STK10: variants seen among roughly 807,000 people sequenced by gnomAD.
STK10 encodes the protein serine/threonine-protein kinase 10.
In STK10, 78 loss-of-function variants were observed where a neutral mutation model predicts 113.8. The ratio of observed to expected loss-of-function variants is 0.69; its 90% confidence interval spans 0.57 to 0.83. The LOEUF (loss-of-function observed/expected upper bound fraction) is 0.83, where lower values mean the gene tolerates loss of function less well. Among genes scored for constraint, STK10 ranks in the 40% least tolerant of loss-of-function variants. The probability of loss-of-function intolerance (pLI) is 0.00; values close to 1 mark genes in which losing one functional copy is unlikely to be tolerated. For synonymous variants in STK10, 465 were observed against 494.7 expected, an observed-to-expected ratio of 0.94 and a Z score of 0.80; for missense variants, 1,109 against 1,280.1, an observed-to-expected ratio of 0.87 and a Z score of 2.04.
intron 2 of STK10, among the ~76,000 whole-genome samples, chr5:172,144,582 C>T (rs1004112363): frequency 2.0e-5 from 3 of 151,952 alleles, no homozygotes; most frequent in Non-Finnish European, 2.9e-5. Flanking sequence ...CTGCCATTTA[C>T]TAGGCAGCCT....
chr5:172,089,020 C>T (rs550307081), intron 10 of STK10, among the ~76,000 whole-genome samples: 1 of 152,238 alleles, frequency 6.6e-6, no homozygotes, highest in African/African-American at 2.4e-5. Context: ...GTTTTTCCCT[C>T]TTCCCGGCCA....
At chr5:172,086,316 T>C (rs1177455635) in intron 10 of STK10, among the ~76,000 whole-genome samples, 1 of 152,108 alleles carries the variant, frequency 6.6e-6, no homozygotes. Flanking sequence ...CCTCTGCTTT[T>C]CTGGAAAGTG....
At chr5:172,152,798 G>T (rs987317724) in intron 2 of STK10, among the ~76,000 whole-genome samples, 1 of 152,152 alleles carries the variant, frequency 6.6e-6, no homozygotes, top group Non-Finnish European at 1.5e-5. Context: ...AAATTTAGAT[G>T]TGTTAAAAGT....
chr5:172,151,729 G>C (rs1490198064), intron 2 of STK10, among the ~76,000 whole-genome samples: 3 of 152,190 alleles, frequency 2.0e-5, no homozygotes, highest in Non-Finnish European at 2.9e-5. Flanking sequence ...TAGACTGGAG[G>C]CTCCATGAGG....
chr5:172,159,857 G>T (rs1012451334), intron 1 of STK10, among the ~76,000 whole-genome samples: 5 of 151,796 alleles, frequency 3.3e-5, no homozygotes, highest in Admixed American at 2.0e-4. Flanking sequence ...AAAGAAAAAG[G>T]CCGGGCGCAG....
At chr5:172,158,453 C>G (rs973148267) in intron 1 of STK10, among the ~76,000 whole-genome samples, 1 of 152,070 alleles carries the variant, frequency 6.6e-6, no homozygotes, top group Admixed American at 6.6e-5. Flanking sequence ...CATGGTGAAA[C>G]CCCATCTCAC....
chr5:172,101,463 C>T (rs921649966), intron 7 of STK10, among the ~76,000 whole-genome samples: 1 of 146,910 alleles, frequency 6.8e-6, no homozygotes, highest in African/African-American at 2.7e-5. Flanking sequence ...GAGCGAGACT[C>T]CGTCTCCAAA....
At position 172,087,623 on chromosome 5, in the gene STK10, A is replaced by ATTTATTTAT. The variant is rs1462186039; in HGVS notation, c.1685+2608_1685+2609insATAAATAAA. ...ATTTTTTAAATTTATTTACTTATTT[A>ATTTATTTAT]TTTTTTTTTTTTTTTTGAGACGGAG... On this transcript the variant is annotated intron_variant, in intron 10 of 18. Transcript: ENST00000176763. Among the ~76,000 whole-genome samples the ATTTATTTAT allele has an allele frequency of 1.8e-4, 15 of 85,188 alleles. 3 individuals are homozygous for ATTTATTTAT. The highest frequency in any genetic ancestry group is 8.1e-4 in the African/African-American group (14 of 17,196). The allele number at this position is 85,188 out of a possible 152,430, so 55.9% of individuals were successfully genotyped here. A position where few individuals can be genotyped will look rare whatever the true frequency, so the allele number is the denominator to read the frequency against.
intron 3 of STK10, among the ~76,000 whole-genome samples, chr5:172,119,484 G>A (rs1769457240): frequency 1.3e-5 from 2 of 152,136 alleles, no homozygotes; most frequent in Admixed American, 1.3e-4. Context: ...AGGATGCAAA[G>A]GTTGGAGAAT....
intron 1 of STK10, among the ~76,000 whole-genome samples, chr5:172,164,347 T>C (rs1770527068): frequency 2.0e-5 from 3 of 152,114 alleles, no homozygotes; most frequent in Non-Finnish European, 4.4e-5. Flanking sequence ...AAAGCCATCC[T>C]GCCCCTAAGG....
At chr5:172,054,487 A>G in intron 17 of STK10, 82 bp downstream of exon 17, 6 of 1,553,234 alleles carry the variant, frequency 3.9e-6, no homozygotes, top group Non-Finnish European at 5.2e-6. Context: ...CCTGCTGTGG[A>G]GTTTCTGGCC....
intron 1 of STK10, among the ~76,000 whole-genome samples, chr5:172,162,678 G>A (rs892086023): frequency 2.0e-5 from 3 of 152,194 alleles, no homozygotes; most frequent in Admixed American, 6.5e-5. Flanking sequence ...GGAGTGGCTA[G>A]AGCCAGGGCC....
intron 3 of STK10, among the ~76,000 whole-genome samples, chr5:172,119,619 T>C (rs1192917893): frequency 2.0e-5 from 3 of 151,820 alleles, no homozygotes; most frequent in South Asian, 2.1e-4. Flanking sequence ...AATCCCAGCA[T>C]TTTGGGAGGC....
intron 14 of STK10, among the ~76,000 whole-genome samples, chr5:172,058,948 G>A (rs537170117): frequency 6.6e-6 from 1 of 152,246 alleles, no homozygotes; most frequent in African/African-American, 2.4e-5. Context: ...ACAGGGCCAG[G>A]CGCGGTGGCT....
At chr5:172,051,387 G>A (rs1767624051) in intron 18 of STK10, among the ~76,000 whole-genome samples, 1 of 151,764 alleles carries the variant, frequency 6.6e-6, no homozygotes, top group Non-Finnish European at 1.5e-5. Context: ...CACTTTGGGA[G>A]GCCGAGGGGG....
rs199528788 is a variant in STK10, at chr5:172,179,876, A to G, written c.156+8011T>C. ...AGGTGAAAGGAGAAGACTCTGGCTCAGGGACGGGCAAGACGGCCTGGGAGG... is the reference window on the plus strand; with the variant it reads ...AGGTGAAAGGAGAAGACTCTGGCTCGGGGACGGGCAAGACGGCCTGGGAGG... On this transcript the variant is annotated intron_variant, in intron 1 of 18. Coordinates refer to ENST00000176763, the MANE Select transcript of STK10 (RefSeq NM_005990.4). Among the ~76,000 whole-genome samples, 3 of 152,192 alleles carry G rather than the reference A, an allele frequency of 2.0e-5. No individual in the cohort carries two copies. The East Asian group carries it at 5.8e-4, about 29-fold the overall frequency.
chr5:172,111,327 C>T (rs1328544596), intron 4 of STK10, among the ~76,000 whole-genome samples: 1 of 152,154 alleles, frequency 6.6e-6, no homozygotes, highest in African/African-American at 2.4e-5. Context: ...GGTGGCCACT[C>T]CCCGACCACA....
chr5:172,090,087 G>GC, intron 10 of STK10, 145 bp downstream of exon 10: 1 of 1,171,564 alleles, frequency 8.5e-7, no homozygotes, highest in African/African-American at 1.5e-5. Flanking sequence ...GTGCAGGATC[G>GC]CAGGCAAAAT....
chr5:172,062,012 C>G (rs1276645351), intron 13 of STK10, among the ~76,000 whole-genome samples: 1 of 150,028 alleles, frequency 6.7e-6, no homozygotes, highest in Non-Finnish European at 1.5e-5. Context: ...GAGTCTCGCT[C>G]TGTCACCCAG....
Sources: gnomAD v4.1 joint callset for allele counts (sites outside exome capture counted in the v4.1 genomes callset) on GRCh38, gnomAD v4.1.1 for gene constraint, MANE v1.5 for transcripts, NCBI Gene and HGNC (gene_info 2026-07-23, HGNC 2026-07-21) for gene names.